SLC8A1: variants seen among roughly 807,000 people sequenced by gnomAD.
SLC8A1 encodes solute carrier family 8 member A1, also known as sodium/calcium exchanger 1.
Under a neutral mutation model 68.3 loss-of-function variants are expected in SLC8A1, and 18 were observed. The observed-to-expected ratio is 0.26, with a 90% CI of 0.18 to 0.39. SLC8A1 has a LOEUF of 0.39. Ranked by LOEUF, SLC8A1 falls within the 10% of genes least tolerant of loss-of-function variation. The probability of loss-of-function intolerance (pLI) is 1.00; values close to 1 mark genes in which losing one functional copy is unlikely to be tolerated. For missense variants in SLC8A1, 985 were observed against 1,156.7 expected, an observed-to-expected ratio of 0.85 and a Z score of 2.15; for synonymous variants, 475 against 415.5, an observed-to-expected ratio of 1.14 and a Z score of -1.74.
At chr2:40,367,410 C>T (rs1676590936) in intron 2 of SLC8A1, among the ~76,000 whole-genome samples, 1 of 152,022 alleles carries the variant, frequency 6.6e-6, no homozygotes, top group South Asian at 2.1e-4. Context: ...CCTCTGCATC[C>T]ATGGTATCGC....
chr2:40,449,052 A>T (rs536766475), intron 1 of SLC8A1, among the ~76,000 whole-genome samples: 1 of 152,092 alleles, frequency 6.6e-6, no homozygotes, highest in East Asian at 1.9e-4. Flanking sequence ...GTTTATTGCC[A>T]TATTTTTAGG....
At chr2:40,230,123 T>C (rs1391758168) in intron 2 of SLC8A1, among the ~76,000 whole-genome samples, 3 of 152,166 alleles carry the variant, frequency 2.0e-5, no homozygotes, top group Non-Finnish European at 1.5e-5. Context: ...GGGAGCTTTT[T>C]CTTAGGCTCC....
intron 2 of SLC8A1, among the ~76,000 whole-genome samples, chr2:40,314,365 C>A (rs1345095347): frequency 6.6e-6 from 1 of 151,914 alleles, no homozygotes; most frequent in Non-Finnish European, 1.5e-5. Flanking sequence ...TCACTTATTT[C>A]TATTTTTATG....
chr2:40,383,211 T>A (rs1215192254), intron 2 of SLC8A1, among the ~76,000 whole-genome samples: 1 of 152,150 alleles, frequency 6.6e-6, no homozygotes, highest in African/African-American at 2.4e-5. Flanking sequence ...CAAAGTTTCA[T>A]GAATTTTTCA....
chr2:40,155,595 G>A (rs1219859874), intron 6 of SLC8A1, among the ~76,000 whole-genome samples: 1 of 152,140 alleles, frequency 6.6e-6, no homozygotes, highest in Non-Finnish European at 1.5e-5. Context: ...AAACTCATTT[G>A]AGGTACCATT....
intron 2 of SLC8A1, among the ~76,000 whole-genome samples, chr2:40,362,941 TTATC>T (rs1340154083): frequency 3.9e-5 from 6 of 152,094 alleles, no homozygotes; most frequent in African/African-American, 1.4e-4. Flanking sequence ...GCAATACAGT[TTATC>T]TAGCCCCTTA....
intron 2 of SLC8A1, among the ~76,000 whole-genome samples, chr2:40,425,990 T>C (rs537513980): frequency 3.9e-5 from 6 of 152,084 alleles, no homozygotes; most frequent in Admixed American, 2.6e-4. Context: ...TTTGATAATA[T>C]GTTTTTCTAG....
At chr2:40,385,321 T>G (rs1683215285) in intron 2 of SLC8A1, among the ~76,000 whole-genome samples, 1 of 146,450 alleles carries the variant, frequency 6.8e-6, no homozygotes, top group Non-Finnish European at 1.5e-5. Flanking sequence ...CTTTTCTCCT[T>G]CTCCTTCAGT....
chr2:40,151,001 G>A (rs78793732), intron 6 of SLC8A1, among the ~76,000 whole-genome samples: 4,287 of 152,142 alleles, frequency 0.028, 171 homozygotes, highest in African/African-American at 0.097. Context: ...AACTTACTCT[G>A]TCTTTCTTCT....
At chr2:40,457,363 C>T (rs1439391224) in intron 1 of SLC8A1, among the ~76,000 whole-genome samples, 1 of 152,140 alleles carries the variant, frequency 6.6e-6, no homozygotes, top group Non-Finnish European at 1.5e-5. Flanking sequence ...TCATAAATCT[C>T]TTTTCCAAGG....
chr2:40,380,887 C>G (rs571293971), intron 2 of SLC8A1, among the ~76,000 whole-genome samples: 8 of 152,038 alleles, frequency 5.3e-5, no homozygotes, highest in Non-Finnish European at 7.4e-5. Context: ...AATCACCCTG[C>G]GTATGGGATC....
chr2:40,489,783 T>C (rs1268245173), intron 1 of SLC8A1, among the ~76,000 whole-genome samples: 1 of 151,626 alleles, frequency 6.6e-6, no homozygotes, highest in Non-Finnish European at 1.5e-5. Flanking sequence ...TTCCCTGGGG[T>C]TAGTCTCTGA....
At chr2:40,107,279 C>CAAAAATAAAAAA (rs2034264360) in exon 8 of SLC8A1, 1 of 64,962 alleles carries the variant, frequency 1.5e-5, no homozygotes, top group Non-Finnish European at 2.9e-5. Context: ...GACTCCGTCT[C>CAAAAATAAAAAA]AAAAAAAAAA....
At chr2:40,133,709 C>G (rs928119784) in intron 7 of SLC8A1, among the ~76,000 whole-genome samples, 9 of 57,476 alleles carry the variant, frequency 1.6e-4, no homozygotes, top group East Asian at 1.3e-3. Context: ...AATCCCCCCC[C>G]CCCACCGACT....
chr2:40,187,658 TG>T (rs34653594), intron 2 of SLC8A1, among the ~76,000 whole-genome samples: 17,792 of 152,194 alleles, frequency 0.12, 1,168 homozygotes, highest in Middle Eastern at 0.21. Context: ...AGCAATCAAT[TG>T]TCAGTGTCAG....
At chr2:40,115,628 G>A (rs1229052908) in exon 8 of SLC8A1, 9 of 1,604,542 alleles carry the variant, frequency 5.6e-6, no homozygotes, top group Admixed American at 5.0e-5. Context: ...TGGCAAATGT[G>A]TCTGCAGAGG....
chr2:40,450,776 G>C (rs1225796021), intron 1 of SLC8A1, among the ~76,000 whole-genome samples: 1 of 152,202 alleles, frequency 6.6e-6, no homozygotes. Context: ...AGGTTCGGGG[G>C]CTTCAAAAGG....
At chr2:40,362,181 C>A (rs1674827165) in intron 2 of SLC8A1, among the ~76,000 whole-genome samples, 1 of 151,698 alleles carries the variant, frequency 6.6e-6, no homozygotes, top group Non-Finnish European at 1.5e-5. Context: ...AGTAATGAGC[C>A]ACTGCGCCTG....
At chr2:40,335,752 T>A (rs1665761542) in intron 2 of SLC8A1, among the ~76,000 whole-genome samples, 1 of 152,250 alleles carries the variant, frequency 6.6e-6, no homozygotes, top group Non-Finnish European at 1.5e-5. Flanking sequence ...GTAATCCTTT[T>A]ATTAACAGGA....
Sources: allele counts gnomAD v4.1 joint callset (sites outside exome capture counted in the v4.1 genomes callset), GRCh38; gene constraint gnomAD v4.1.1; transcripts MANE v1.5; gene names NCBI Gene and HGNC (gene_info 2026-07-23, HGNC 2026-07-21).